Variants in MPP4 observed in about 807,000 individuals in gnomAD.
The protein encoded by MPP4 is MAGUK p55 scaffold protein 4.
In MPP4, 91 loss-of-function variants were observed where a neutral mutation model predicts 98.3. The ratio of observed to expected loss-of-function variants is 0.93; its 90% CI spans 0.78 to 1.10. The LOEUF is 1.10. MPP4 is among the 50% of genes least tolerant of loss of function. MPP4 has a pLI of 0.00. For synonymous variants in MPP4, 261 were observed against 271.8 expected (o/e 0.96, Z 0.39); for missense variants, 744 against 792.9 (o/e 0.94, Z 0.74).
intron 14 of MPP4, among the ~76,000 whole-genome samples, chr2:201,663,511 T>C (rs1187055236): frequency 6.6e-6 from 1 of 152,128 alleles, no homozygotes; most frequent in East Asian, 1.9e-4. Flanking sequence ...AGGCCTGGAG[T>C]TGGAGACAAG....
At chr2:201,677,946 C>G (rs555126155) in intron 10 of MPP4, among the ~76,000 whole-genome samples, 1 of 152,314 alleles carries the variant, frequency 6.6e-6, no homozygotes, top group South Asian at 2.1e-4. Flanking sequence ...TCTCAACACC[C>G]TCCTCCAGTC....
chr2:201,678,166 GC>G (rs140185985), intron 10 of MPP4, among the ~76,000 whole-genome samples: 4,804 of 151,864 alleles, frequency 0.032, 238 homozygotes, highest in African/African-American at 0.1. Flanking sequence ...TTGTTTGTGT[GC>G]CCCCCCAAGA....
intron 16 of MPP4, among the ~76,000 whole-genome samples, chr2:201,657,605 T>TTTTTTTTTTTTTTTTTTTTTTTC (rs1436234491): frequency 8.0e-6 from 1 of 125,158 alleles, no homozygotes; most frequent in Non-Finnish European, 1.7e-5. Flanking sequence ...TTTTTTGTTT[T>TTTTTTTTTTTTTTTTTTTTTTTC]TTTGTTTTTT....
chr2:201,670,130 G>A (rs528494242), intron 11 of MPP4, among the ~76,000 whole-genome samples: 1 of 152,308 alleles, frequency 6.6e-6, no homozygotes, highest in East Asian at 1.9e-4. Context: ...TGGAGAGAGG[G>A]AGGGAGGAAG....
At position 201,660,537 on chromosome 2, in the gene MPP4, G is replaced by A. The variant is rs147660048; in HGVS notation, c.1073-191C>T. Among the ~76,000 whole-genome samples the A allele has an allele frequency of 6.6e-3, 1,011 of 152,236 alleles. 5 individuals carry two copies. Among genetic ancestry groups the A allele is most frequent in the Non-Finnish European group, 9.8e-3 (665 of 68,024 alleles). On this transcript the variant is annotated intron_variant, in intron 14 of 21. Transcript: ENST00000409474. Reference sequence around the variant, plus strand: ...TGGGACTGAGAAACTGGTTTGCCCTGACTCTGCTGCTTGGGACAGTAACTT... The same window carrying A: ...TGGGACTGAGAAACTGGTTTGCCCTAACTCTGCTGCTTGGGACAGTAACTT...
At chr2:201,654,165 G>A (rs374487022) in intron 18 of MPP4, among the ~76,000 whole-genome samples, 4 of 151,904 alleles carry the variant, frequency 2.6e-5, no homozygotes, top group Non-Finnish European at 2.9e-5. Flanking sequence ...AAGTAGAGAC[G>A]GGGTTTCACC....
chr2:201,666,165 T>A, intron 13 of MPP4, 169 bp downstream of exon 13: 1 of 513,234 alleles, frequency 1.9e-6, no homozygotes. Flanking sequence ...TACCACAGCT[T>A]CTCCTTCCAA....
rs376834767 is a variant in MPP4, at chr2:201,645,396, G to A, written c.1728C>T (p.Asp576=). The change falls in exon 22 of 22, where the codon GAC becomes GAT. Residue 576 remains aspartate (D), a synonymous_variant. Coordinates refer to ENST00000409474, the MANE Select transcript of MPP4 (RefSeq NM_033066.3). ...YYVDMKFKDE[D]LQEMENLAQR... ...GGGCTAAATTTTCCATCTCTTGTAG[G>A]TCTTCATCCTTTAGGAGAAATAGAA... is the stretch of plus-strand genomic sequence containing the variant. 5.6e-6 allele frequency: 9 copies of A among 1,613,656 alleles called. No homozygotes were observed. In the African/African-American group the frequency reaches 9.3e-5, roughly 17 times the overall value.
At chr2:201,687,436 C>A in intron 4 of MPP4, 65 bp from the exon 5 acceptor site, 1 of 1,253,832 alleles carries the variant, frequency 8.0e-7, no homozygotes, top group Non-Finnish European at 1.1e-6. Flanking sequence ...CTTAACCTCA[C>A]CCAGGCTGGA....
At chr2:201,668,460 T>C (rs1382607505) in intron 12 of MPP4, among the ~76,000 whole-genome samples, 1 of 151,226 alleles carries the variant, frequency 6.6e-6, no homozygotes, top group Non-Finnish European at 1.5e-5. Context: ...TTCTCTTCTC[T>C]TCTCTTCTCT....
intron 10 of MPP4, among the ~76,000 whole-genome samples, chr2:201,677,421 A>C (rs1348570899): frequency 6.6e-6 from 1 of 152,040 alleles, no homozygotes; most frequent in Non-Finnish European, 1.5e-5. Context: ...GATGGGTATT[A>C]TTTTCCACCA....
At chr2:201,679,446 C>T (rs1688608412) in intron 10 of MPP4, among the ~76,000 whole-genome samples, 1 of 152,182 alleles carries the variant, frequency 6.6e-6, no homozygotes, top group Non-Finnish European at 1.5e-5. Flanking sequence ...ACCCTGCTCT[C>T]TGCTTATGAT....
In MPP4 at chr2:201,664,121, C is replaced by T; in HGVS notation, c.1052-20G>A. The T allele has an allele frequency of 6.5e-7, 1 of 1,529,392 alleles. No individual in the cohort carries two copies. Among genetic ancestry groups the T allele is most frequent in the Non-Finnish European group, 8.8e-7 (1 of 1,132,918 alleles). The allele number at this position is 1,529,392 out of a possible 1,614,324, so 94.7% of individuals were successfully genotyped here. ...CTTCATCTATGATTTTTCATGGAGG[C>T]AAAAATCAAAAATGTTATTACATGA... On this transcript the variant is annotated intron_variant, in intron 13 of 21. Transcript: ENST00000409474.
At chr2:201,663,199 G>A (rs949666567) in intron 14 of MPP4, among the ~76,000 whole-genome samples, 1 of 152,144 alleles carries the variant, frequency 6.6e-6, no homozygotes, top group Non-Finnish European at 1.5e-5. Context: ...AACTTTTTGT[G>A]TGTTGAAAAA....
At chr2:201,684,697 T>C (rs1054401339) in intron 7 of MPP4, among the ~76,000 whole-genome samples, 2 of 152,264 alleles carry the variant, frequency 1.3e-5, no homozygotes, top group Non-Finnish European at 2.9e-5. Flanking sequence ...ACGCCTATAG[T>C]CCCAGCACTT....
At chr2:201,671,656 G>A (rs1162948022) in intron 11 of MPP4, among the ~76,000 whole-genome samples, 1 of 151,934 alleles carries the variant, frequency 6.6e-6, no homozygotes, top group Non-Finnish European at 1.5e-5. Context: ...GACAAAGAAG[G>A]GCATTGCAAA....
At chr2:201,685,038 T>G (rs1334244340) in intron 7 of MPP4, 26 bp downstream of exon 7, 5 of 1,598,936 alleles carry the variant, frequency 3.1e-6, no homozygotes, top group African/African-American at 1.3e-5. Context: ...TTCTGGTAAC[T>G]CTCAATCCCA....
rs115601998 is a variant in MPP4 at position 201,677,493 on chromosome 2, A to G, written c.930-2222T>C. 8.4e-3 allele frequency among the ~76,000 whole-genome samples: 1,272 copies of G among 152,282 alleles called. 15 individuals carry two copies. The highest frequency in any genetic ancestry group is 0.029 in the African/African-American group (1,199 of 41,550). On this transcript the variant is annotated intron_variant, in intron 10 of 21. Transcript: ENST00000409474. ...TTCACAGTTTTCTAAAATCAGATAT[A>G]ATTTTCTACCTGTTGAAAGTAAAAA... is the stretch of plus-strand genomic sequence containing the variant.
chr2:201,651,451 T>C, intron 18 of MPP4: 1 of 985,416 alleles, frequency 1.0e-6, no homozygotes, highest in Non-Finnish European at 1.2e-6. Context: ...GACTCCTCCT[T>C]TGCTTCCACT....
Sources: allele counts gnomAD v4.1 joint callset (sites outside exome capture counted in the v4.1 genomes callset), GRCh38; gene constraint gnomAD v4.1.1; transcripts MANE v1.5; gene names NCBI Gene and HGNC (gene_info 2026-07-23, HGNC 2026-07-21).